PCM1: variants seen among roughly 807,000 people sequenced by gnomAD.
PCM1 encodes the protein pericentriolar material 1.
In PCM1, 157 loss-of-function variants were observed where a neutral mutation model predicts 241.9. The observed-to-expected ratio is 0.65, with a 90% CI of 0.57 to 0.74. The LOEUF is 0.74. Among genes scored for constraint, PCM1 ranks in the 30% least tolerant of loss-of-function variants. The pLI is 0.00. For missense variants in PCM1, 3,478 were observed against 2,360.1 expected, an observed-to-expected ratio of 1.47 and a Z score of -9.81; for synonymous variants, 1,085 against 784.9, an observed-to-expected ratio of 1.38 and a Z score of -6.39.
At chr8:18,018,878 A>G (rs1167270821) in intron 36 of PCM1, among the ~76,000 whole-genome samples, 1 of 31,098 alleles carries the variant, frequency 3.2e-5, no homozygotes, top group Non-Finnish European at 9.7e-5. Flanking sequence ...ATATATATAT[A>G]TACACACACA....
At chr8:17,949,221 G>C (rs1213299438) in intron 7 of PCM1, among the ~76,000 whole-genome samples, 1 of 151,678 alleles carries the variant, frequency 6.6e-6, no homozygotes, top group Admixed American at 6.6e-5. Flanking sequence ...TTTTGCAGGG[G>C]CATGCTAATG....
At chr8:17,937,096 T>A in intron 3 of PCM1, 38 bp from the exon 4 acceptor site, 5 of 1,500,550 alleles carry the variant, frequency 3.3e-6, no homozygotes, top group Non-Finnish European at 4.5e-6. Context: ...CCTGGTTTGA[T>A]ACAGGCCATG....
intron 9 of PCM1, among the ~76,000 whole-genome samples, chr8:17,954,220 G>C (rs2067161631): frequency 6.6e-6 from 1 of 152,142 alleles, no homozygotes; most frequent in Admixed American, 6.5e-5. Context: ...CTGAGGTCGG[G>C]AGTTCGAGAC....
intron 8 of PCM1, among the ~76,000 whole-genome samples, chr8:17,951,099 A>G (rs1028483375): frequency 1.3e-5 from 2 of 152,242 alleles, no homozygotes; most frequent in Non-Finnish European, 2.9e-5. Flanking sequence ...CTTCGACTAG[A>G]TACATGGGAT....
intron 29 of PCM1, among the ~76,000 whole-genome samples, chr8:18,001,285 C>G (rs1391944802): frequency 6.6e-6 from 1 of 152,058 alleles, no homozygotes; most frequent in East Asian, 1.9e-4. Context: ...GTTTCTTTTC[C>G]ACTATTACAA....
intron 9 of PCM1, among the ~76,000 whole-genome samples, chr8:17,955,125 T>A (rs2067653533): frequency 6.6e-6 from 1 of 152,196 alleles, no homozygotes; most frequent in South Asian, 2.1e-4. Flanking sequence ...TTACCAAGTT[T>A]ACTCGTTAGT....
At chr8:17,977,262 G>A (rs2079099758) in intron 23 of PCM1, among the ~76,000 whole-genome samples, 1 of 151,926 alleles carries the variant, frequency 6.6e-6, no homozygotes, top group Non-Finnish European at 1.5e-5. Context: ...TAATCAAGAG[G>A]TCTCTCTTTT....
intron 23 of PCM1, among the ~76,000 whole-genome samples, chr8:17,978,472 A>G (rs770663784): frequency 6.6e-6 from 1 of 152,170 alleles, no homozygotes; most frequent in Middle Eastern, 3.4e-3. Context: ...CTAAGCTTCC[A>G]TATGAAAGAC....
At chr8:17,987,316 TGAGA>T (rs2082934954) in intron 26 of PCM1, among the ~76,000 whole-genome samples, 1 of 151,790 alleles carries the variant, frequency 6.6e-6, no homozygotes, top group African/African-American at 2.4e-5. Flanking sequence ...TGAAACAACT[TGAGA>T]GAGAATGAAC....
intron 36 of PCM1, among the ~76,000 whole-genome samples, chr8:18,023,550 G>C (rs985466006): frequency 6.6e-6 from 1 of 152,168 alleles, no homozygotes; most frequent in African/African-American, 2.4e-5. Flanking sequence ...TGAGCTTTGG[G>C]TGAAACGTAT....
chr8:17,946,917 T>G (rs1165209282), intron 6 of PCM1, among the ~76,000 whole-genome samples: 1 of 151,544 alleles, frequency 6.6e-6, no homozygotes, highest in Non-Finnish European at 1.5e-5. Flanking sequence ...TTGTATATCT[T>G]TTTCTTTTCC....
intron 2 of PCM1, among the ~76,000 whole-genome samples, chr8:17,928,969 C>G (rs2058090168): frequency 6.6e-6 from 1 of 152,104 alleles, no homozygotes; most frequent in Non-Finnish European, 1.5e-5. Context: ...TAAACGTACT[C>G]AAGATACTTC....
At chr8:17,946,937 T>A (rs2064039310) in intron 6 of PCM1, among the ~76,000 whole-genome samples, 1 of 151,780 alleles carries the variant, frequency 6.6e-6, no homozygotes, top group East Asian at 1.9e-4. Context: ...CTTTTGTTCA[T>A]TCCTCTTCCT....
At chr8:18,022,147 A>G (rs1271260666) in intron 36 of PCM1, among the ~76,000 whole-genome samples, 1 of 152,170 alleles carries the variant, frequency 6.6e-6, no homozygotes, top group Non-Finnish European at 1.5e-5. Context: ...TATCTCAAGT[A>G]GAGAGAGCTT....
At position 17,966,389 on chromosome 8, in the gene PCM1, T is replaced by C. The variant is rs1169407752; in HGVS notation, c.3137T>C (p.Val1046Ala). The C allele has an allele frequency of 6.2e-6, 10 of 1,613,452 alleles. No individual in the cohort carries two copies. The highest frequency in any genetic ancestry group is 1.3e-5 in the African/African-American group (1 of 74,924). The change falls in exon 20 of 39, where the codon GTT becomes GCT. Residue 1046 changes from valine to alanine, a missense_variant. By Grantham distance (64) the Val-to-Ala change is moderately conservative. Coordinates refer to ENST00000325083, the MANE Select transcript of PCM1 (RefSeq NM_006197.4). ...CCTTACAGTGTTATGCCCAGCAATG[T>C]TGCATCTCCTCAAGTACACTTCATA... Reference protein sequence around the residue: ...TGPYSVMPSNVASPQVHFIMH... With the variant: ...TGPYSVMPSNAASPQVHFIMH...
intron 14 of PCM1, 48 bp downstream of exon 14, chr8:17,960,213 C>T: frequency 6.4e-7 from 1 of 1,551,766 alleles, no homozygotes. Flanking sequence ...AATTTAGTGC[C>T]TGTTTTGGAG....
At chr8:17,956,285 T>G (rs2068444252) in intron 10 of PCM1, among the ~76,000 whole-genome samples, 1 of 152,210 alleles carries the variant, frequency 6.6e-6, no homozygotes, top group African/African-American at 2.4e-5. Context: ...TTTTGATACT[T>G]GAGAAACTAG....
chr8:18,007,226 T>A (rs1210010061), intron 30 of PCM1, among the ~76,000 whole-genome samples: 1 of 152,240 alleles, frequency 6.6e-6, no homozygotes, highest in African/African-American at 2.4e-5. Context: ...CAGAATTTTC[T>A]TATGAAACTT....
chr8:18,019,836 G>T (rs761123851), intron 36 of PCM1, among the ~76,000 whole-genome samples: 1 of 152,150 alleles, frequency 6.6e-6, no homozygotes, highest in Non-Finnish European at 1.5e-5. Context: ...GCAGATCCCT[G>T]CTGTAGAGTA....
Sources: gnomAD v4.1 joint callset for allele counts (sites outside exome capture counted in the v4.1 genomes callset) on GRCh38, gnomAD v4.1.1 for gene constraint, MANE v1.5 for transcripts, NCBI Gene and HGNC (gene_info 2026-07-23, HGNC 2026-07-21) for gene names.